FBXO11: variants seen among roughly 807,000 people sequenced by gnomAD.
The protein encoded by FBXO11 is F-box only protein 11.
A neutral mutation model predicts 117.0 loss-of-function variants in FBXO11; 13 were observed. The observed-to-expected ratio is 0.11, with a 90% CI of 0.07 to 0.18. The LOEUF (loss-of-function observed/expected upper bound fraction) is 0.18, where lower values mean the gene tolerates loss of function less well. Among genes scored for constraint, FBXO11 ranks in the 10% least tolerant of loss-of-function variants. The probability of loss-of-function intolerance (pLI) is 1.00; values close to 1 mark genes in which losing one functional copy is unlikely to be tolerated. For synonymous variants in FBXO11, 490 were observed against 380.5 expected (o/e 1.29, Z -3.35); for missense variants, 767 against 1,164.4 (o/e 0.66, Z 4.97).
intron 11 of FBXO11, among the ~76,000 whole-genome samples, chr2:47,825,968 T>C (rs765582971): frequency 6.6e-6 from 1 of 152,180 alleles, no homozygotes; most frequent in South Asian, 2.1e-4. Flanking sequence ...TGATATACAC[T>C]GACTAAACAG....
intron 1 of FBXO11, among the ~76,000 whole-genome samples, chr2:47,879,230 T>G (rs1021070910): frequency 6.6e-6 from 1 of 152,260 alleles, no homozygotes; most frequent in African/African-American, 2.4e-5. Flanking sequence ...CACCTTCTGC[T>G]ATTACAGAAT....
At chr2:47,858,813 G>C (rs1185868991) in intron 1 of FBXO11, among the ~76,000 whole-genome samples, 2 of 151,608 alleles carry the variant, frequency 1.3e-5, no homozygotes, top group African/African-American at 4.8e-5. Context: ...GGGAGGCCAA[G>C]ACGGTTGGAT....
chr2:47,818,698 A>G, intron 16 of FBXO11, 81 bp downstream of exon 16: 1 of 895,702 alleles, frequency 1.1e-6, no homozygotes, highest in Non-Finnish European at 1.7e-6. Context: ...ATTGGGCATT[A>G]AACAATAAGC....
At chr2:47,810,563 C>G in intron 18 of FBXO11, 137 bp from the exon 19 acceptor site, 2 of 551,640 alleles carry the variant, frequency 3.6e-6, no homozygotes, top group African/African-American at 3.9e-5. Context: ...TCAGCCAAAA[C>G]AAGTTTATTA....
chr2:47,846,963 G>A (rs1263885762), intron 1 of FBXO11, among the ~76,000 whole-genome samples: 3 of 152,208 alleles, frequency 2.0e-5, no homozygotes, highest in African/African-American at 7.2e-5. Flanking sequence ...GTTCTGAGAA[G>A]GCTGGTCGTG....
At chr2:47,828,890 A>C (rs950820097) in intron 11 of FBXO11, among the ~76,000 whole-genome samples, 1 of 152,146 alleles carries the variant, frequency 6.6e-6, no homozygotes, top group African/African-American at 2.4e-5. Context: ...AAAGTGATGA[A>C]ATCTAATGGC....
chr2:47,882,511 T>A (rs577957433), intron 1 of FBXO11, among the ~76,000 whole-genome samples: 1 of 152,308 alleles, frequency 6.6e-6, no homozygotes, highest in Admixed American at 6.5e-5. Flanking sequence ...GGGTTTCAAT[T>A]CTAAGTTTGT....
intron 1 of FBXO11, among the ~76,000 whole-genome samples, chr2:47,854,403 C>T (rs1253646463): frequency 6.6e-6 from 1 of 151,708 alleles, no homozygotes; most frequent in African/African-American, 2.4e-5. Flanking sequence ...ACTTTCCCAT[C>T]TTAGACTTAT....
intron 1 of FBXO11, among the ~76,000 whole-genome samples, chr2:47,848,102 C>T (rs552397631): frequency 4.6e-5 from 7 of 150,658 alleles, no homozygotes; most frequent in South Asian, 2.1e-4. Context: ...CCAGCCTGGG[C>T]GACAGAGCGA....
At chr2:47,813,668 G>C in intron 17 of FBXO11, 123 bp downstream of exon 17, 2 of 724,530 alleles carry the variant, frequency 2.8e-6, no homozygotes, top group South Asian at 3.4e-5. Context: ...CCTGACCTCG[G>C]GTGATCCACC....
At chr2:47,901,129 A>ACACG (rs1558488430) in intron 1 of FBXO11, among the ~76,000 whole-genome samples, 2 of 100,514 alleles carry the variant, frequency 2.0e-5, no homozygotes, top group Non-Finnish European at 2.3e-5. Flanking sequence ...ACGTGTGTAC[A>ACACG]TGTATATATA....
intron 1 of FBXO11, among the ~76,000 whole-genome samples, chr2:47,866,497 C>T (rs56881113): frequency 0.055 from 8,148 of 149,352 alleles, 237 homozygotes; most frequent in Non-Finnish European, 0.068. Context: ...TCTTTTGAGA[C>T]GGAGTCTTGC....
chr2:47,884,625 C>T (rs557666849), intron 1 of FBXO11, among the ~76,000 whole-genome samples: 28 of 152,276 alleles, frequency 1.8e-4, no homozygotes, highest in African/African-American at 6.5e-4. Flanking sequence ...TCATTGCTGT[C>T]TTTGAAGAGA....
Position 47,905,886 on chromosome 2 carries a change from A to C in FBXO11, c.-166T>G, listed in dbSNP as rs1678777912. ...GGCGGAGGGGGCGAGCGGGACCCCG[A>C]GTCCGGAGAAAGGCCCGGGTAGACA... On this transcript the variant is annotated 5_prime_UTR_variant, in exon 1 of 23. Coordinates refer to ENST00000403359, the MANE Select transcript of FBXO11 (RefSeq NM_001190274.2). The C allele has an allele frequency of 1.3e-6, 1 of 744,022 alleles. No homozygotes were observed. Among genetic ancestry groups the C allele is most frequent in the African/African-American group, 1.9e-5 (1 of 54,022 alleles). 46.1% of individuals were successfully genotyped at this position (744,022 alleles called of 1,614,324 possible).
rs548786623 is a variant in FBXO11, at chr2:47,809,843, G to T, written c.2339-136C>A. 1.8e-4 allele frequency: 103 copies of T among 583,246 alleles called. 1 individual carries two copies. The Admixed American group carries it at 2.6e-3, about 15-fold the overall frequency. 36.1% of individuals were successfully genotyped at this position (583,246 alleles called of 1,614,324 possible). On this transcript the variant is annotated intron_variant, in intron 19 of 22. Transcript: ENST00000403359. ...CTTAATGTCTACTGAATAAAATGTA[G>T]ATACCTATTTCAACCACCAACAGTA... is the stretch of plus-strand genomic sequence containing the variant.
At chr2:47,811,178 T>G (rs1416710032) in intron 18 of FBXO11, 1 of 152,258 alleles carries the variant, frequency 6.6e-6, no homozygotes, top group Non-Finnish European at 1.5e-5. Context: ...CATTTCCCTC[T>G]GCATACTCTT....
At chr2:47,815,604 A>G (rs1339675182) in intron 16 of FBXO11, among the ~76,000 whole-genome samples, 3 of 152,188 alleles carry the variant, frequency 2.0e-5, no homozygotes, top group Admixed American at 1.3e-4. Context: ...CAGATTTCAC[A>G]GGTAACTTGT....
At chr2:47,897,590 A>C (rs1201215331) in intron 1 of FBXO11, among the ~76,000 whole-genome samples, 6 of 151,594 alleles carry the variant, frequency 4.0e-5, no homozygotes, top group Non-Finnish European at 7.4e-5. Flanking sequence ...CCAGCTACTC[A>C]GGAGGCTGAG....
chr2:47,808,786 T>G (rs1670405555), intron 21 of FBXO11: 1 of 264,980 alleles, frequency 3.8e-6, no homozygotes, highest in Admixed American at 4.8e-5. Context: ...CCTTGAAATT[T>G]CTAGGAAAAC....
Sources: allele counts gnomAD v4.1 joint callset (sites outside exome capture counted in the v4.1 genomes callset), GRCh38; gene constraint gnomAD v4.1.1; transcripts MANE v1.5; gene names NCBI Gene and HGNC (gene_info 2026-07-23, HGNC 2026-07-21).